CD3E: variants seen among roughly 807,000 people sequenced by gnomAD.
CD3E encodes T-cell surface glycoprotein CD3 epsilon chain.
A neutral mutation model predicts 34.7 loss-of-function variants in CD3E; 16 were observed. The observed-to-expected ratio is 0.46, with a 90% CI of 0.31 to 0.70. The LOEUF is 0.70. CD3E is among the 30% of genes least tolerant of loss of function. CD3E has a pLI of 0.05. For synonymous variants in CD3E, 70 were observed against 90.8 expected, an observed-to-expected ratio of 0.77 and a Z score of 1.30; for missense variants, 223 against 253.9, an observed-to-expected ratio of 0.88 and a Z score of 0.83.
At position 118,314,472 on chromosome 11, in the gene CD3E, C is replaced by T. The variant is rs1338498428; in HGVS notation, c.545C>T (p.Pro182Leu). ...GGACAAAACAAGGAGAGGCCACCAC[C>T]TGTTCCCAACCCAGACTATGAGGTA... ...QRGQNKERPP[P>L]VPNPDYEPIR... Residue 182 changes from proline to leucine, a missense_variant, in exon 8 of 9, where the codon CCT becomes CTT. Transcript: ENST00000361763. 3 of 1,613,966 alleles carry T rather than the reference C, an allele frequency of 1.9e-6. No individual in the cohort carries two copies. The African/African-American group carries it at 4.0e-5, about 22-fold the overall frequency.
At position 118,314,511 on chromosome 11, in the gene CD3E, A is replaced by C; in HGVS notation, c.567+17A>C. 6.2e-7 allele frequency: 1 copy of C among 1,612,234 alleles called. No homozygotes were observed. ...GACTATGAGGTAACGTGGGATAGAAATGGGCCAGGACGCTGGAGGGGATGT... is the reference window on the plus strand; with the variant it reads ...GACTATGAGGTAACGTGGGATAGAACTGGGCCAGGACGCTGGAGGGGATGT... On this transcript the variant is annotated intron_variant, in intron 8 of 8. Coordinates refer to ENST00000361763, the MANE Select transcript of CD3E (RefSeq NM_000733.4).
rs773328619 is a variant in CD3E, at chr11:118,315,476, T to G, written c.568-10T>G. On this transcript the variant is annotated splice_polypyrimidine_tract_variant and intron_variant, in intron 8 of 8. Coordinates refer to ENST00000361763, the MANE Select transcript of CD3E (RefSeq NM_000733.4). ...CACCACTGACCGCCCCCTCTCTATT[T>G]CACCCCCAGCCCATCCGGAAAGGCC... The G allele has an allele frequency of 8.7e-6, 14 of 1,612,618 alleles. No individual in the cohort carries two copies. The African/African-American group carries it at 1.7e-4, about 20-fold the overall frequency.
At chr11:118,307,392 C>T in intron 3 of CD3E, 84 bp downstream of exon 3, 2 of 1,220,472 alleles carry the variant, frequency 1.6e-6, no homozygotes, top group Non-Finnish European at 2.4e-6. Context: ...TCTTAGGCCT[C>T]CCACAGAACT....
At chr11:118,313,531 G>T (rs1470523944) in intron 6 of CD3E, 176 bp from the exon 7 acceptor site, 1 of 662,172 alleles carries the variant, frequency 1.5e-6, no homozygotes, top group Non-Finnish European at 2.7e-6. Flanking sequence ...CTCTACCCAC[G>T]GCCACCACTC....
Position 118,312,137 on chromosome 11 carries a change from C to CT in CD3E, c.86-10dup, listed in dbSNP as rs1268481199. The CT allele has an allele frequency of 8.1e-6, 13 of 1,609,212 alleles. No homozygotes were observed. In the South Asian group the frequency reaches 1.4e-4, roughly 18 times the overall value. ...CATGATATTTTCTTACTGCTGTTTC[C>CT]TTTTTTCATTTTCAGGTGGTATTAC... On this transcript the variant is annotated splice_polypyrimidine_tract_variant and intron_variant, in intron 4 of 8. Transcript: ENST00000361763.
intron 6 of CD3E, 53 bp from the exon 7 acceptor site, chr11:118,313,654 C>G: frequency 6.3e-7 from 1 of 1,575,360 alleles, no homozygotes; most frequent in Non-Finnish European, 8.7e-7. Flanking sequence ...CCTCCAGCGC[C>G]TTGTGTTTTC....
chr11:118,308,339 A>C lies in CD3E; in HGVS notation c.71-88A>C. ...AAGATCCATTGTTTCCTAAGAGTTG[A>C]GGGAAGAGTCCCAACCCACGGGAGC... On this transcript the variant is annotated intron_variant, in intron 3 of 8. Transcript: ENST00000361763. 9.8e-6 allele frequency: 9 copies of C among 913,840 alleles called. No individual in the cohort carries two copies. The South Asian group carries it at 1.2e-4, about 12-fold the overall frequency. The allele number at this position is 913,840 out of a possible 1,614,324, so 56.6% of individuals were successfully genotyped here.
At chr11:118,313,683 C>G (rs779870558) in intron 6 of CD3E, 24 bp from the exon 7 acceptor site, 1 of 1,612,898 alleles carries the variant, frequency 6.2e-7, no homozygotes, top group Non-Finnish European at 8.5e-7. Flanking sequence ...GTGATTTCCC[C>G]TCTCCCCACC....
chr11:118,307,270 T>C lies in CD3E; in HGVS notation c.50-18T>C, dbSNP rs1948112321. ...CACAACATTTACTAACACTTTTTTT[T>C]TCTTATTTATTTTCTAGTTGGCGTT... is the stretch of plus-strand genomic sequence containing the variant. On this transcript the variant is annotated intron_variant, in intron 2 of 8. Transcript: ENST00000361763. 5 of 1,601,212 alleles carry C rather than the reference T, an allele frequency of 3.1e-6. No individual in the cohort carries two copies. Among genetic ancestry groups the C allele is most frequent in the Non-Finnish European group, 4.3e-6 (5 of 1,168,942 alleles).
At chr11:118,313,283 A>G (rs144513094) in intron 6 of CD3E, 5 of 342,380 alleles carry the variant, frequency 1.5e-5, no homozygotes, top group African/African-American at 1.1e-4. Context: ...AATAATAACA[A>G]TACTTAACAT....
chr11:118,312,941 T>C (rs775243088), intron 6 of CD3E, 75 bp downstream of exon 6: 2 of 1,575,386 alleles, frequency 1.3e-6, no homozygotes, highest in South Asian at 2.2e-5. Context: ...TCAGTGATTT[T>C]CCCTAACCCA....
intron 2 of CD3E, 140 bp downstream of exon 2, chr11:118,305,141 A>G (rs1254869485): frequency 1.1e-6 from 1 of 877,616 alleles, no homozygotes; most frequent in African/African-American, 1.7e-5. Context: ...AGGGTGAGGG[A>G]TTAGAGCTGG....
intron 7 of CD3E, among the ~76,000 whole-genome samples, 172 bp downstream of exon 7, chr11:118,314,046 C>T (rs1377037697): frequency 6.6e-6 from 1 of 152,208 alleles, no homozygotes; most frequent in Non-Finnish European, 1.5e-5. Context: ...AATCTCACAT[C>T]ACTCCCCTCC....
At chr11:118,312,996 C>A in intron 6 of CD3E, 130 bp downstream of exon 6, 2 of 995,800 alleles carry the variant, frequency 2.0e-6, no homozygotes, top group Non-Finnish European at 3.2e-6. Flanking sequence ...CACACTCAAT[C>A]CTGGGACTCT....
chr11:118,306,219 G>A (rs1948104441), intron 2 of CD3E, among the ~76,000 whole-genome samples: 1 of 152,106 alleles, frequency 6.6e-6, no homozygotes, highest in Non-Finnish European at 1.5e-5. Context: ...AGAAGGGCCA[G>A]GTGCAGTGGC....
chr11:118,312,137 CT>C lies in CD3E; in HGVS notation c.86-10del. On this transcript the variant is annotated splice_polypyrimidine_tract_variant and intron_variant, in intron 4 of 8. Transcript: ENST00000361763. Reference sequence around the variant, plus strand: ...CATGATATTTTCTTACTGCTGTTTCCTTTTTTCATTTTCAGGTGGTATTACA... The same window carrying C: ...CATGATATTTTCTTACTGCTGTTTCCTTTTTCATTTTCAGGTGGTATTACA... 2 of 1,609,184 alleles carry C rather than the reference CT, an allele frequency of 1.2e-6. No individual in the cohort carries two copies. The highest frequency in any genetic ancestry group is 1.7e-6 in the Non-Finnish European group (2 of 1,175,598).
intron 4 of CD3E, among the ~76,000 whole-genome samples, chr11:118,310,150 G>A (rs1565510748): frequency 6.6e-6 from 1 of 152,054 alleles, no homozygotes; most frequent in South Asian, 2.1e-4. Flanking sequence ...TTAAATTCAG[G>A]GGTACATGTG....
chr11:118,315,172 A>G (rs1427941066), intron 8 of CD3E, among the ~76,000 whole-genome samples: 1 of 152,166 alleles, frequency 6.6e-6, no homozygotes, highest in Non-Finnish European at 1.5e-5. Context: ...CTCAACAAAT[A>G]TTTGTTGAGC....
At chr11:118,313,895 C>G in intron 7 of CD3E, 21 bp downstream of exon 7, 1 of 1,611,742 alleles carries the variant, frequency 6.2e-7, no homozygotes, top group Non-Finnish European at 8.5e-7. Context: ...GGAGTCCAGT[C>G]AGAGGAGATT....
Sources: gnomAD v4.1 joint callset for allele counts (sites outside exome capture counted in the v4.1 genomes callset) on GRCh38, gnomAD v4.1.1 for gene constraint, MANE v1.5 for transcripts, NCBI Gene and HGNC (gene_info 2026-07-23, HGNC 2026-07-21) for gene names.